The following FBN1 variants were observed in gnomAD, a reference collection of about 807,000 sequenced individuals.
FBN1 encodes the protein fibrillin-1.
Under a neutral mutation model 365.1 loss-of-function variants are expected in FBN1, and 29 were observed. That is an observed-to-expected ratio of 0.08 (90% CI 0.06 to 0.11). FBN1 has a LOEUF of 0.11. Among genes scored for constraint, FBN1 ranks in the 10% least tolerant of loss-of-function variants. The pLI is 1.00. For missense variants in FBN1, 2,476 were observed against 3,703.2 expected, an observed-to-expected ratio of 0.67 and a Z score of 8.60; for synonymous variants, 1,210 against 1,270.5, an observed-to-expected ratio of 0.95 and a Z score of 1.01.
intron 6 of FBN1, among the ~76,000 whole-genome samples, chr15:48,577,071 C>CT (rs1197952360): frequency 6.6e-6 from 1 of 151,970 alleles, no homozygotes; most frequent in African/African-American, 2.4e-5. Context: ...TAACCTCAGC[C>CT]TTTTTTTCTG....
chr15:48,433,501 C>A (rs144182168), intron 54 of FBN1, among the ~76,000 whole-genome samples: 133 of 152,312 alleles, frequency 8.7e-4, no homozygotes, highest in African/African-American at 3.1e-3. Context: ...TCTGCCCAAG[C>A]AAATAGTGTT....
rs2141308839 is a variant in FBN1, at chr15:48,499,003, T to A, written c.2149A>T (p.Met717Leu). The A allele has an allele frequency of 6.2e-7, 1 of 1,613,958 alleles. No homozygotes were observed. The highest frequency in any genetic ancestry group is 1.1e-5 in the South Asian group (1 of 91,076). The change falls in exon 18 of 66, where the codon ATG (methionine) becomes TTG (leucine). Residue 717 changes from methionine to leucine, a missense_variant. Around this residue, in one of 5 missense-constraint regions of FBN1, gnomAD observed 1,780 missense variants for 2,840.8 expected, o/e 0.63. Transcript: ENST00000316623. The stretch of plus-strand genomic sequence containing the variant: ...TCCTTACCACTGCCTGCTGACGTCA[T>A]TCCTGGCCCACTGCTGCAGAGTGCC... Reference protein sequence around the residue: ...YQALCSSGPGMTSAGSDINEC... With the variant: ...YQALCSSGPGLTSAGSDINEC...
At chr15:48,574,349 G>C (rs2140676944) in intron 6 of FBN1, among the ~76,000 whole-genome samples, 1 of 152,300 alleles carries the variant, frequency 6.6e-6, no homozygotes, top group Non-Finnish European at 1.5e-5. Flanking sequence ...CAAATGGAAG[G>C]AGCAGCATGG....
chr15:48,452,727 G>A (rs2043210976), intron 44 of FBN1, 43 bp from the exon 45 acceptor site: 1 of 1,612,092 alleles, frequency 6.2e-7, no homozygotes, highest in South Asian at 1.1e-5. Flanking sequence ...AACAGAATCT[G>A]GTGTCCAGTC....
At chr15:48,619,845 C>CA (rs1889732308) in intron 2 of FBN1, among the ~76,000 whole-genome samples, 1 of 151,036 alleles carries the variant, frequency 6.6e-6, no homozygotes, top group Non-Finnish European at 1.5e-5. Context: ...AACAAACCTG[C>CA]ACATGTACCC....
rs142612165 is a variant in FBN1, at chr15:48,564,971, T to C, written c.539-27163A>G. 1.0e-3 allele frequency among the ~76,000 whole-genome samples: 156 copies of C among 152,348 alleles called. No homozygotes were observed. In the Middle Eastern group the frequency reaches 0.024, roughly 23 times the overall value. On this transcript the variant is annotated intron_variant, in intron 6 of 65. Transcript: ENST00000316623. ...TGATTACTTTCCTATGTACCAAGTA[T>C]TAGACCAAGTGCCTTACATATAGAA...
chr15:48,596,567 T>C (rs2044517595), intron 5 of FBN1, among the ~76,000 whole-genome samples, 189 bp from the exon 6 acceptor site: 1 of 152,258 alleles, frequency 6.6e-6, no homozygotes, highest in Non-Finnish European at 1.5e-5. Flanking sequence ...CTGCCTGGAA[T>C]AGATGAGTTT....
chr15:48,616,624 G>T (rs1251323284), intron 2 of FBN1, among the ~76,000 whole-genome samples: 1 of 152,098 alleles, frequency 6.6e-6, no homozygotes, highest in Non-Finnish European at 1.5e-5. Flanking sequence ...GTACAAGGAA[G>T]GTAAATCTTT....
chr15:48,507,935 C>A (rs1451563318), intron 15 of FBN1, among the ~76,000 whole-genome samples: 1 of 152,132 alleles, frequency 6.6e-6, no homozygotes, highest in Non-Finnish European at 1.5e-5. Flanking sequence ...CAATTCTCAA[C>A]AGCAAAAATA....
intron 6 of FBN1, among the ~76,000 whole-genome samples, chr15:48,593,523 T>C (rs1478591991): frequency 6.6e-6 from 1 of 152,188 alleles, no homozygotes; most frequent in East Asian, 1.9e-4. Context: ...GATATCAACA[T>C]TGTAATCAGC....
At chr15:48,617,569 A>T (rs940574526) in intron 2 of FBN1, among the ~76,000 whole-genome samples, 2 of 152,190 alleles carry the variant, frequency 1.3e-5, no homozygotes, top group African/African-American at 4.8e-5. Flanking sequence ...ACATTTTTTT[A>T]AAATAGCTAA....
chr15:48,422,127 C>G lies in FBN1; in HGVS notation c.7454-59G>C, dbSNP rs561255145. Reference sequence around the variant, plus strand: ...AGCCAACAAAACAGGATCAGGGAAGCTGACCCTATGAAGCAGCTCCACGTT... The same window carrying G: ...AGCCAACAAAACAGGATCAGGGAAGGTGACCCTATGAAGCAGCTCCACGTT... On this transcript the variant is annotated intron_variant, in intron 60 of 65. Transcript: ENST00000316623. 255 of 1,186,766 alleles carry G rather than the reference C, an allele frequency of 2.1e-4. 2 individuals are homozygous for G. The South Asian group carries it at 2.9e-3, about 14-fold the overall frequency. 73.5% of individuals were successfully genotyped at this position (1,186,766 alleles called of 1,614,324 possible). A position where few individuals can be genotyped will look rare whatever the true frequency, so the allele number is the denominator to read the frequency against.
At chr15:48,634,937 T>C (rs1418795601) in intron 2 of FBN1, among the ~76,000 whole-genome samples, 1 of 148,676 alleles carries the variant, frequency 6.7e-6, no homozygotes, top group Non-Finnish European at 1.5e-5. Context: ...ACATTGTCTT[T>C]ATTAATAAAG....
chr15:48,489,833 G>A lies in FBN1; in HGVS notation c.3082+18C>T, dbSNP rs2043540965. 1 of 1,607,400 alleles carries A rather than the reference G, an allele frequency of 6.2e-7. No individual in the cohort carries two copies. Among genetic ancestry groups the A allele is most frequent in the Non-Finnish European group, 8.5e-7 (1 of 1,173,980 alleles). ...CTAAAAAGGGAGGCAATTGGCCATG[G>A]AAAACGTAACATTGTACCTTTGAAG... On this transcript the variant is annotated intron_variant, in intron 25 of 65. Coordinates refer to ENST00000316623, the MANE Select transcript of FBN1 (RefSeq NM_000138.5).
At chr15:48,417,204 T>C (rs544018794) in intron 63 of FBN1, among the ~76,000 whole-genome samples, 1 of 152,362 alleles carries the variant, frequency 6.6e-6, no homozygotes, top group South Asian at 2.1e-4. Flanking sequence ...TAAGGCACAT[T>C]CATTTATAAA....
intron 2 of FBN1, chr15:48,643,374 A>C (rs1262456416): frequency 6.6e-6 from 1 of 152,034 alleles, no homozygotes; most frequent in Non-Finnish European, 1.5e-5. Context: ...AATCATAACT[A>C]TTTTCTGTGC....
intron 24 of FBN1, among the ~76,000 whole-genome samples, chr15:48,490,645 C>T (rs1348184327): frequency 6.6e-6 from 1 of 152,232 alleles, no homozygotes; most frequent in Non-Finnish European, 1.5e-5. Context: ...CACCTAAACA[C>T]GTGCTTAAGG....
At chr15:48,566,653 T>A (rs1302322499) in intron 6 of FBN1, among the ~76,000 whole-genome samples, 1 of 152,210 alleles carries the variant, frequency 6.6e-6, no homozygotes, top group East Asian at 1.9e-4. Context: ...GAAACCATAA[T>A]TCTCCTTTGA....
Position 48,497,331 on chromosome 15 carries a change from C to T in FBN1, c.2228G>A (p.Arg743His), listed in dbSNP as rs761942436. The T allele has an allele frequency of 1.1e-5, 17 of 1,613,690 alleles. No individual in the cohort carries two copies. The highest frequency in any genetic ancestry group is 6.7e-5 in the Admixed American group (4 of 59,990). Residue 743 changes from arginine to histidine, a missense_variant, in exon 19 of 66, where the codon CGT becomes CAT. Around this residue, in one of 5 missense-constraint regions of FBN1, gnomAD observed 1,780 missense variants for 2,840.8 expected, o/e 0.63. Transcript: ENST00000316623. ...ATTGCATATACATTTATAGGTCCCACGAAGGTTTTCACAGATTCCATTTGG... is the reference window on the plus strand; with the variant it reads ...ATTGCATATACATTTATAGGTCCCATGAAGGTTTTCACAGATTCCATTTGG... ...ICPNGICENL[R>H]GTYKCICNSG...
Sources: gnomAD v4.1 joint callset for allele counts (sites outside exome capture counted in the v4.1 genomes callset) on GRCh38, gnomAD v4.1.1 for gene constraint, gnomAD v4.1.1 regional missense constraint, MANE v1.5 for transcripts, NCBI Gene and HGNC (gene_info 2026-07-23, HGNC 2026-07-21) for gene names.